COL18A1: variants seen among roughly 807,000 people sequenced by gnomAD.
The protein encoded by COL18A1 is collagen alpha-1(XVIII) chain.
A neutral mutation model predicts 168.0 loss-of-function variants in COL18A1; 133 were observed. The ratio of observed to expected loss-of-function variants is 0.79; its 90% CI spans 0.69 to 0.91. The LOEUF (loss-of-function observed/expected upper bound fraction) is 0.91. Ranked by LOEUF, COL18A1 falls within the 40% of genes least tolerant of loss-of-function variation. COL18A1 has a pLI of 0.00. For synonymous variants in COL18A1, 949 were observed against 809.0 expected, an observed-to-expected ratio of 1.17 and a Z score of -2.94; for missense variants, 2,126 against 1,925.4, an observed-to-expected ratio of 1.10 and a Z score of -1.95.
rs111430200 is a variant in COL18A1 at position 45,490,909 on chromosome 21, C to T, written c.2067+38C>T. The stretch of plus-strand genomic sequence containing the variant: ...GGGGCGGGTGGATGGGGATGGGGGG[C>T]GCTGGGACATCCCAGAAGGTTTGGC... On this transcript the variant is annotated intron_variant, in intron 21 of 41. Coordinates refer to ENST00000651438, the MANE Select transcript of COL18A1 (RefSeq NM_001379500.1). 1.2e-3 allele frequency: 1,827 copies of T among 1,537,464 alleles called. 24 individuals carry two copies. The African/African-American group carries it at 0.022, about 18-fold the overall frequency.
At chr21:45,437,641 GGCACTCTCCTGCAC>G (rs2034196563) in intron 2 of COL18A1, among the ~76,000 whole-genome samples, 5 of 34,018 alleles carry the variant, frequency 1.5e-4, no homozygotes, top group Non-Finnish European at 1.4e-4. Context: ...CACTCACACA[GGCACTCTCCTGCAC>G]ACACACACAC....
intron 26 of COL18A1, 71 bp downstream of exon 26, chr21:45,493,646 T>A (rs2036435861): frequency 5.9e-6 from 7 of 1,180,020 alleles, no homozygotes; most frequent in Admixed American, 2.0e-5. Flanking sequence ...CTGGGGAGGG[T>A]CTTCCTGAGG....
intron 2 of COL18A1, among the ~76,000 whole-genome samples, chr21:45,450,979 C>T (rs931118558): frequency 2.0e-5 from 3 of 152,226 alleles, no homozygotes; most frequent in South Asian, 4.1e-4. Flanking sequence ...CGCTTAGGCT[C>T]CAGGGCCCTC....
intron 34 of COL18A1, 33 bp downstream of exon 34, chr21:45,504,589 TC>T (rs770258395): frequency 2.6e-6 from 4 of 1,549,704 alleles, no homozygotes; most frequent in Non-Finnish European, 3.5e-6. Flanking sequence ...AGAGCCCATG[TC>T]CCAGGGGTCT....
intron 19 of COL18A1, among the ~76,000 whole-genome samples, chr21:45,489,746 GCCTT>G (rs1273230030): frequency 6.7e-6 from 1 of 150,032 alleles, no homozygotes; most frequent in East Asian, 2.0e-4. Context: ...CAGGAACATG[GCCTT>G]CCTCCCTCCC....
chr21:45,474,391 A>ATGTC (rs77030458), intron 4 of COL18A1, among the ~76,000 whole-genome samples: 31,550 of 134,864 alleles, frequency 0.23, 4,545 homozygotes, highest in African/African-American at 0.45. Context: ...TGTGTGTTGT[A>ATGTC]TGTGTGTCTC....
At chr21:45,475,864 T>A (rs2035629423) in intron 5 of COL18A1, among the ~76,000 whole-genome samples, 1 of 152,214 alleles carries the variant, frequency 6.6e-6, no homozygotes, top group Admixed American at 6.5e-5. Flanking sequence ...TGCGTGGCCA[T>A]CAGGGAATGA....
At chr21:45,503,415 G>T (rs1199142530) in intron 32 of COL18A1, among the ~76,000 whole-genome samples, 2 of 151,976 alleles carry the variant, frequency 1.3e-5, no homozygotes, top group Non-Finnish European at 2.9e-5. Flanking sequence ...TTTTGATGGG[G>T]TTGTTTGTGG....
At chr21:45,497,232 T>A (rs1277051303) in intron 31 of COL18A1, 140 bp downstream of exon 31, 2 of 717,586 alleles carry the variant, frequency 2.8e-6, no homozygotes, top group African/African-American at 3.5e-5. Context: ...ACGCCCCAGT[T>A]CCGATGACCT....
Position 45,405,200 on chromosome 21 carries a change from A to T in COL18A1, c.-31A>T. 5.9e-6 allele frequency: 1 copy of T among 169,316 alleles called. No individual in the cohort carries two copies. Among genetic ancestry groups the T allele is most frequent in the Admixed American group, 1.0e-4 (1 of 10,000 alleles). 10.5% of individuals were successfully genotyped at this position (169,316 alleles called of 1,614,324 possible). A position where few individuals can be genotyped will look rare whatever the true frequency, so the allele number is the denominator to read the frequency against. ...GGTGCACCGCGGCGGAGGAGGCAGC[A>T]TCCCGCGGCGCTGACGGTCCTGGGG... On this transcript the variant is annotated 5_prime_UTR_variant, in exon 1 of 42. Transcript: ENST00000651438.
At chr21:45,496,624 C>G (rs532037760) in intron 30 of COL18A1, 56 bp downstream of exon 30, 1 of 858,646 alleles carries the variant, frequency 1.2e-6, no homozygotes, top group African/African-American at 1.7e-5. Context: ...CACACAGAGC[C>G]CCACAGAGGG....
rs371989063 is a variant in COL18A1 at position 45,510,217 on chromosome 21, G to A, written c.3649G>A (p.Val1217Met). The change falls in exon 40 of 42, where the codon GTG becomes ATG. Residue 1217 changes from valine (V) to methionine (M), a missense_variant. Val to Met is a conservative substitution (Grantham distance 21, BLOSUM62 1). Transcript: ENST00000651438. ...GCGCCTGCAGGACCTGTACAGCATCGTGCGCCGTGCCGACCGCGCAGCCGT... is the reference window on the plus strand; with the variant it reads ...GCGCCTGCAGGACCTGTACAGCATCATGCGCCGTGCCGACCGCGCAGCCGT... ...SSRLQDLYSIVRRADRAAVPI... is the reference protein window; with the variant it reads ...SSRLQDLYSIMRRADRAAVPI... 26 of 1,605,850 alleles carry A rather than the reference G, an allele frequency of 1.6e-5. No homozygotes were observed. Among genetic ancestry groups the A allele is most frequent in the East Asian group, 9.0e-5 (4 of 44,402 alleles).
At chr21:45,448,512 C>T (rs2034551414) in intron 2 of COL18A1, among the ~76,000 whole-genome samples, 1 of 152,250 alleles carries the variant, frequency 6.6e-6, no homozygotes, top group Non-Finnish European at 1.5e-5. Context: ...TCCATATCCA[C>T]ACATCCGTGT....
chr21:45,422,380 G>C (rs370134793), intron 2 of COL18A1: 2 of 476,596 alleles, frequency 4.2e-6, no homozygotes, highest in African/African-American at 2.0e-5. Context: ...GTGCGATGGC[G>C]GGGCCTCGCC....
chr21:45,475,374 C>G, intron 4 of COL18A1, 102 bp from the exon 5 acceptor site: 1 of 1,073,842 alleles, frequency 9.3e-7, no homozygotes, highest in Non-Finnish European at 1.4e-6. Context: ...GAGAGGGGGC[C>G]TGGAGGAGGC....
rs1178674116 is a variant in COL18A1, at chr21:45,423,355, C to T, written c.106+17882C>T. Among the ~76,000 whole-genome samples, 2 of 152,210 alleles carry T rather than the reference C, an allele frequency of 1.3e-5. No homozygotes were observed. Among genetic ancestry groups the T allele is most frequent in the African/African-American group, 2.4e-5 (1 of 41,446 alleles). The stretch of plus-strand genomic sequence containing the variant: ...CCTTGCTGTGCTGGGGTACATTCCC[C>T]GAGCTTCCACAGTTTCCCTTTCCTT... On this transcript the variant is annotated intron_variant, in intron 2 of 41. Coordinates refer to ENST00000651438, the MANE Select transcript of COL18A1 (RefSeq NM_001379500.1). This position sits in a 1 kb window ranked among gnomAD's most constrained non-coding sequence, Gnocchi z 4.0.
rs115584714 is a variant in COL18A1 at position 45,468,878 on chromosome 21, G to A, written c.651+92G>A. ...CTGGGACAGGGACGGAGCTGTGGCC[G>A]GAAGAGGAGAGCCCCCACCCCAGCT... On this transcript the variant is annotated intron_variant, in intron 3 of 41. Transcript: ENST00000651438. The A allele has an allele frequency of 2.2e-5, 29 of 1,310,704 alleles. 1 individual carries two copies. Among genetic ancestry groups the A allele is most frequent in the African/African-American group, 3.0e-5 (2 of 67,446 alleles). 81.2% of individuals were successfully genotyped at this position (1,310,704 alleles called of 1,614,324 possible).
rs1402264865 is a variant in COL18A1, at chr21:45,443,496, C to A, written c.107-24746C>A. Among the ~76,000 whole-genome samples the A allele has an allele frequency of 6.6e-6, 1 of 152,174 alleles. No individual in the cohort carries two copies. Among genetic ancestry groups the A allele is most frequent in the Non-Finnish European group, 1.5e-5 (1 of 68,014 alleles). ...GGTGGTGGAGATGCTTTGCCACTGG[C>A]CACCCAGAGCTAGGAGCCTCGGCCA... On this transcript the variant is annotated intron_variant, in intron 2 of 41. Transcript: ENST00000651438. The surrounding 1 kb of genome is among the most constrained non-coding windows in gnomAD (Gnocchi z 5.2).
chr21:45,486,961 G>A lies in COL18A1; in HGVS notation c.1802G>A (p.Gly601Glu), dbSNP rs2145964859. 6.6e-7 allele frequency: 1 copy of A among 1,507,154 alleles called. No individual in the cohort carries two copies. Among genetic ancestry groups the A allele is most frequent in the African/African-American group, 1.4e-5 (1 of 70,724 alleles). 93.4% of individuals were successfully genotyped at this position (1,507,154 alleles called of 1,614,324 possible). Residue 601 changes from glycine to glutamate, a missense_variant, in exon 16 of 42, where the codon GGG becomes GAG. Physicochemically the swap from Gly to Glu is moderately conservative, Grantham distance 98. Transcript: ENST00000651438. ...CCACCAGGCCCCCCTGGGCCCCCTGGGCCCCCAGGACCAGGACTCCCCGCT... is the reference window on the plus strand; with the variant it reads ...CCACCAGGCCCCCCTGGGCCCCCTGAGCCCCCAGGACCAGGACTCCCCGCT... ...AGPPGPPGPP[G>E]PPGPGLPAGF... is the part of the protein sequence containing the mutation.
Sources: allele counts gnomAD v4.1 joint callset (sites outside exome capture counted in the v4.1 genomes callset), GRCh38; gene constraint gnomAD v4.1.1; non-coding constraint Gnocchi (gnomAD v3.1); transcripts MANE v1.5; gene names NCBI Gene and HGNC (gene_info 2026-07-23, HGNC 2026-07-21).